The following TENM2 variants were observed in gnomAD, a reference collection of about 807,000 sequenced individuals.
TENM2 encodes the protein teneurin-2.
Under a neutral mutation model 245.2 loss-of-function variants are expected in TENM2, and 52 were observed. The observed-to-expected ratio is 0.21, with a 90% CI of 0.17 to 0.27. The LOEUF (loss-of-function observed/expected upper bound fraction) is 0.27. Among genes scored for constraint, TENM2 ranks in the 10% least tolerant of loss-of-function variants. TENM2 has a pLI of 1.00. For synonymous variants in TENM2, 1,363 were observed against 1,438.9 expected (o/e 0.95, Z 1.19); for missense variants, 3,046 against 3,666.8 (o/e 0.83, Z 4.37).
chr5:167,045,007 G>C, the TENM2 span, among the ~76,000 whole-genome samples: 94,826 of 151,320 alleles, frequency 0.63, 31,727 homozygotes, highest in African/African-American at 0.88. Context: ...GAAGCTGATG[G>C]GGAAGAGAAC....
intron 2 of TENM2, among the ~76,000 whole-genome samples, chr5:167,552,080 T>C (rs1207044190): frequency 6.6e-6 from 1 of 152,246 alleles, no homozygotes; most frequent in African/African-American, 2.4e-5. Flanking sequence ...CTATTACTTA[T>C]TAATCGAAAT....
the TENM2 span, among the ~76,000 whole-genome samples, chr5:167,210,743 G>T: frequency 3.3e-5 from 5 of 151,970 alleles, no homozygotes; most frequent in Non-Finnish European, 7.4e-5. Context: ...GATTACAGGC[G>T]TGAGCCACCG....
chr5:167,142,042 A>T, the TENM2 span, among the ~76,000 whole-genome samples: 2 of 152,212 alleles, frequency 1.3e-5, no homozygotes, highest in Non-Finnish European at 2.9e-5. Flanking sequence ...ATGAAACCAT[A>T]TTAACATTGC....
At chr5:168,046,280 A>G (rs901392213) in intron 5 of TENM2, among the ~76,000 whole-genome samples, 2 of 152,224 alleles carry the variant, frequency 1.3e-5, no homozygotes, top group Non-Finnish European at 2.9e-5. Context: ...CCATCCCCAC[A>G]TCAGACTCCA....
At chr5:168,074,986 G>A (rs1039247832) in intron 7 of TENM2, among the ~76,000 whole-genome samples, 5 of 152,122 alleles carry the variant, frequency 3.3e-5, no homozygotes, top group South Asian at 2.1e-4. Context: ...GTTTGGTTCC[G>A]TGAATAAGTT....
At chr5:167,618,172 T>C (rs1178976432) in intron 2 of TENM2, among the ~76,000 whole-genome samples, 1 of 152,184 alleles carries the variant, frequency 6.6e-6, no homozygotes, top group African/African-American at 2.4e-5. Context: ...ATTAGTATTC[T>C]AAGCACTTTG....
the TENM2 span, among the ~76,000 whole-genome samples, chr5:167,165,972 A>T: frequency 6.6e-6 from 1 of 152,164 alleles, no homozygotes; most frequent in Admixed American, 6.5e-5. Flanking sequence ...TTGCTGCAAA[A>T]TCCTGAAAAA....
At chr5:167,178,756 C>G in the TENM2 span, among the ~76,000 whole-genome samples, 1 of 152,032 alleles carries the variant, frequency 6.6e-6, no homozygotes, top group Non-Finnish European at 1.5e-5. Flanking sequence ...AAAATAAAAT[C>G]AAAGTCAAGT....
At chr5:167,900,148 TGGAAA>T (rs67625239) in intron 3 of TENM2, among the ~76,000 whole-genome samples, 34,516 of 126,498 alleles carry the variant, frequency 0.27, 4,757 homozygotes, top group East Asian at 0.48. Context: ...GGGGGGGTTT[TGGAAA>T]GGAAAGGAAT....
chr5:167,276,647 C>A, the TENM2 span, among the ~76,000 whole-genome samples: 1 of 151,956 alleles, frequency 6.6e-6, no homozygotes, highest in Non-Finnish European at 1.5e-5. Context: ...CACAAATACT[C>A]AAGTCTCTTA....
At chr5:167,928,303 C>T (rs575913301) in intron 3 of TENM2, among the ~76,000 whole-genome samples, 1 of 152,168 alleles carries the variant, frequency 6.6e-6, no homozygotes, top group Non-Finnish European at 1.5e-5. Flanking sequence ...GCCCTCAAAA[C>T]CCCAAGTCTT....
chr5:167,418,602 T>C (rs1453639703), intron 2 of TENM2, among the ~76,000 whole-genome samples: 15 of 152,152 alleles, frequency 9.9e-5, no homozygotes. Flanking sequence ...ACATGAACAA[T>C]AAAGAATCTG....
At chr5:168,202,514 T>C (rs766876361) in intron 17 of TENM2, among the ~76,000 whole-genome samples, 1 of 149,512 alleles carries the variant, frequency 6.7e-6, no homozygotes, top group Non-Finnish European at 1.5e-5. Context: ...CCTTGCTATC[T>C]AGTATGATAA....
chr5:168,209,904 G>A (rs1260336423), intron 19 of TENM2, among the ~76,000 whole-genome samples: 2 of 152,198 alleles, frequency 1.3e-5, no homozygotes, highest in Non-Finnish European at 2.9e-5. Flanking sequence ...CATGATGGCA[G>A]CTCTGAGAGA....
the TENM2 span, among the ~76,000 whole-genome samples, chr5:167,087,305 G>A: frequency 2.0e-5 from 3 of 152,162 alleles, no homozygotes; most frequent in South Asian, 2.1e-4. Flanking sequence ...AGTGCTCAAC[G>A]CACGTCACCT....
At chr5:167,455,845 C>G (rs770986014) in intron 2 of TENM2, among the ~76,000 whole-genome samples, 10 of 152,252 alleles carry the variant, frequency 6.6e-5, no homozygotes, top group Non-Finnish European at 1.5e-4. Flanking sequence ...TTAGCTGCAC[C>G]TTGACCTCCA....
chr5:167,866,930 A>G (rs184586917), intron 2 of TENM2, among the ~76,000 whole-genome samples: 28 of 152,364 alleles, frequency 1.8e-4, no homozygotes, highest in African/African-American at 3.6e-4. Context: ...CAAGTGTCCA[A>G]TAGCCACATG....
chr5:168,237,549 T>G (rs1318614182), intron 25 of TENM2, among the ~76,000 whole-genome samples: 1 of 151,970 alleles, frequency 6.6e-6, no homozygotes, highest in Non-Finnish European at 1.5e-5. Context: ...AAGGTATGGT[T>G]TTGGTATGGC....
the TENM2 span, among the ~76,000 whole-genome samples, chr5:166,994,952 T>A: frequency 4.3e-4 from 65 of 152,204 alleles, no homozygotes; most frequent in Non-Finnish European, 2.9e-5. Flanking sequence ...GTCATATTGA[T>A]CCTTGAGTGA....
Sources: gnomAD v4.1 joint callset for allele counts (sites outside exome capture counted in the v4.1 genomes callset) on GRCh38, gnomAD v4.1.1 for gene constraint, MANE v1.5 for transcripts, NCBI Gene and HGNC (gene_info 2026-07-23, HGNC 2026-07-21) for gene names.